DMGDH: variants seen among roughly 807,000 people sequenced by gnomAD.
The protein encoded by DMGDH is dimethylglycine dehydrogenase, also known as dimethylglycine dehydrogenase, mitochondrial.
DMGDH carries 76 observed loss-of-function variants against 95.2 expected under a neutral mutation model. That is an observed-to-expected ratio of 0.80 (90% CI 0.66 to 0.97). The LOEUF is 0.97. DMGDH is among the 50% of genes least tolerant of loss of function. The probability of loss-of-function intolerance (pLI) is 0.00; values close to 1 mark genes in which losing one functional copy is unlikely to be tolerated. For synonymous variants in DMGDH, 345 were observed against 377.6 expected (o/e 0.91, Z 1.00); for missense variants, 987 against 1,055.0 (o/e 0.94, Z 0.89).
chr5:79,042,416 C>G lies in DMGDH; in HGVS notation c.1060G>C (p.Glu354Gln), dbSNP rs888316522. Residue 354 changes from glutamate to glutamine, a missense_variant, in exon 7 of 16, where the codon GAA (glutamate) becomes CAA (glutamine). By Grantham distance (29) the Glu-to-Gln change is conservative. Transcript: ENST00000255189. ...GCCTTTTTCAAGACAGGAACCATTT[C>G]CATGGCAGCTTTGATGTGTTCCATG... Reference protein sequence around the residue: ...RIMEHIKAAMEMVPVLKKADI... With the variant: ...RIMEHIKAAMQMVPVLKKADI... 1.2e-6 allele frequency: 2 copies of G among 1,614,168 alleles called. No individual in the cohort carries two copies. The highest frequency in any genetic ancestry group is 1.7e-6 in the Non-Finnish European group (2 of 1,180,016).
chr5:79,057,406 T>C (rs1755062599), intron 2 of DMGDH, among the ~76,000 whole-genome samples: 1 of 152,196 alleles, frequency 6.6e-6, no homozygotes, highest in Non-Finnish European at 1.5e-5. Context: ...TGGTGGGCAT[T>C]TCATCCTCCT....
chr5:79,005,156 G>A (rs918052338), intron 15 of DMGDH, 117 bp downstream of exon 15: 8 of 1,365,374 alleles, frequency 5.9e-6, no homozygotes, highest in Admixed American at 3.7e-5. Context: ...AATCAAAAGC[G>A]TGTCATCCCT....
chr5:79,044,985 T>C (rs963524194), intron 5 of DMGDH, among the ~76,000 whole-genome samples: 1 of 152,128 alleles, frequency 6.6e-6, no homozygotes, highest in Non-Finnish European at 1.5e-5. Flanking sequence ...ACCAACATAA[T>C]ACATAATGAT....
chr5:79,002,124 G>A (rs1753463181), intron 15 of DMGDH, among the ~76,000 whole-genome samples: 1 of 152,126 alleles, frequency 6.6e-6, no homozygotes, highest in Non-Finnish European at 1.5e-5. Context: ...GTCTCTATCT[G>A]ACTTCCAGAA....
chr5:79,068,289 CATTTT>C (rs1561235058), intron 1 of DMGDH, among the ~76,000 whole-genome samples: 1 of 151,496 alleles, frequency 6.6e-6, no homozygotes, highest in Non-Finnish European at 1.5e-5. Context: ...GTTAAATTTC[CATTTT>C]ATTTTGCACT....
intron 14 of DMGDH, chr5:79,021,020 T>C (rs1455061865): frequency 8.1e-6 from 8 of 985,356 alleles, no homozygotes; most frequent in Non-Finnish European, 3.6e-6. Flanking sequence ...CTACTGATTT[T>C]CCTCCCAAAA....
rs1754617786 is a variant in DMGDH, at chr5:79,044,624, A to G, written c.746-72T>C. On this transcript the variant is annotated intron_variant, in intron 5 of 15. Coordinates refer to ENST00000255189, the MANE Select transcript of DMGDH (RefSeq NM_013391.3). ...ATAACTGACACTCATATAGCAATTT[A>G]TATTAGAATAAAATGTTTAGAAGGC... The G allele has an allele frequency of 1.9e-6, 3 of 1,539,862 alleles. No homozygotes were observed. In the African/African-American group the frequency reaches 4.1e-5, roughly 21 times the overall value.
chr5:79,048,036 G>A (rs542474071), intron 5 of DMGDH, among the ~76,000 whole-genome samples: 1 of 152,252 alleles, frequency 6.6e-6, no homozygotes, highest in Admixed American at 6.5e-5. Context: ...GAAAGGAGTT[G>A]AGCAGTCTTA....
At chr5:79,009,939 T>C (rs1267758250) in intron 14 of DMGDH, among the ~76,000 whole-genome samples, 1 of 152,178 alleles carries the variant, frequency 6.6e-6, no homozygotes, top group African/African-American at 2.4e-5. Context: ...CAGAAGTATA[T>C]TTCTTTAATA....
chr5:79,047,333 C>A (rs1289683697), intron 5 of DMGDH, among the ~76,000 whole-genome samples: 1 of 152,116 alleles, frequency 6.6e-6, no homozygotes, highest in African/African-American at 2.4e-5. Context: ...GACAAGTTTA[C>A]TTCTACTAGA....
chr5:79,035,493 T>G (rs1284236459), intron 7 of DMGDH, among the ~76,000 whole-genome samples: 1 of 152,234 alleles, frequency 6.6e-6, no homozygotes, highest in Non-Finnish European at 1.5e-5. Flanking sequence ...AATTCATTTA[T>G]CTGACCCTGG....
At chr5:79,068,702 G>A (rs1399383279) in intron 1 of DMGDH, among the ~76,000 whole-genome samples, 1 of 152,176 alleles carries the variant, frequency 6.6e-6, no homozygotes, top group Non-Finnish European at 1.5e-5. Flanking sequence ...AGCCTTTCCT[G>A]GCAACCAGGA....
chr5:79,034,145 CAT>C (rs990119054), intron 7 of DMGDH, among the ~76,000 whole-genome samples: 4 of 152,096 alleles, frequency 2.6e-5, no homozygotes, highest in African/African-American at 9.7e-5. Context: ...GTGGGAGAAA[CAT>C]ATGTACTGTG....
At chr5:79,060,456 T>C (rs1755165619) in intron 2 of DMGDH, among the ~76,000 whole-genome samples, 1 of 152,248 alleles carries the variant, frequency 6.6e-6, no homozygotes, top group Non-Finnish European at 1.5e-5. Flanking sequence ...CTTTGCAAGC[T>C]GTGCTTTCCT....
Position 78,998,140 on chromosome 5 carries a change from AC to A in DMGDH, c.2542del (p.Val848TyrfsTer2), listed in dbSNP as rs1753391954. ...YPAVIIQEPL[V>X]LTEPTRNRLQ... The stretch of plus-strand genomic sequence containing the variant: ...CCGGTTTCTGGTTGGTTCGGTCAAT[AC>A]CAAAGGTTCTTGTATGATGACTGCT... On this transcript the variant is annotated frameshift_variant, in exon 16 of 16. Transcript: ENST00000255189. LOFTEE classifies it high-confidence loss of function. 2 of 1,614,156 alleles carry A rather than the reference AC, an allele frequency of 1.2e-6. No individual in the cohort carries two copies. Among genetic ancestry groups the A allele is most frequent in the African/African-American group, 2.7e-5 (2 of 75,024 alleles).
intron 14 of DMGDH, among the ~76,000 whole-genome samples, chr5:79,011,513 T>C (rs1422130769): frequency 6.6e-6 from 1 of 152,242 alleles, no homozygotes; most frequent in Non-Finnish European, 1.5e-5. Context: ...AGAAAATGAA[T>C]ATTCCCTGTA....
At chr5:79,047,563 G>A (rs915982660) in intron 5 of DMGDH, among the ~76,000 whole-genome samples, 5 of 152,124 alleles carry the variant, frequency 3.3e-5, no homozygotes, top group Non-Finnish European at 5.9e-5. Context: ...AACACCATGC[G>A]GAGAAAAAGC....
chr5:79,007,395 G>A (rs1301390657), intron 14 of DMGDH, among the ~76,000 whole-genome samples: 1 of 152,078 alleles, frequency 6.6e-6, no homozygotes, highest in Non-Finnish European at 1.5e-5. Flanking sequence ...TGGTTCTTGA[G>A]TAAACTCAGA....
intron 14 of DMGDH, 138 bp downstream of exon 14, chr5:79,024,133 T>C (rs1030784671): frequency 3.9e-6 from 3 of 769,874 alleles, no homozygotes; most frequent in African/African-American, 1.7e-5. Context: ...TATGACACAA[T>C]TGAGCAATGC....
Sources: allele counts gnomAD v4.1 joint callset (sites outside exome capture counted in the v4.1 genomes callset), GRCh38; gene constraint gnomAD v4.1.1; transcripts MANE v1.5; gene names NCBI Gene and HGNC (gene_info 2026-07-23, HGNC 2026-07-21).